PAK1: variants seen among roughly 807,000 people sequenced by gnomAD.
PAK1 encodes p21 (RAC1) activated kinase 1.
Under a neutral mutation model 67.4 loss-of-function variants are expected in PAK1, and 29 were observed. The observed-to-expected ratio is 0.43, with a 90% confidence interval of 0.32 to 0.59. The LOEUF (loss-of-function observed/expected upper bound fraction) is 0.59. Ranked by LOEUF, PAK1 falls within the 20% of genes least tolerant of loss-of-function variation. The pLI, the probability that PAK1 is intolerant of heterozygous loss-of-function variation, is 0.07. For synonymous variants in PAK1, 223 were observed against 237.4 expected, an observed-to-expected ratio of 0.94 and a Z score of 0.56; for missense variants, 337 against 670.7, an observed-to-expected ratio of 0.50 and a Z score of 5.50.
intron 1 of PAK1, among the ~76,000 whole-genome samples, chr11:77,468,798 T>A (rs554919098): frequency 6.6e-6 from 1 of 152,278 alleles, no homozygotes; most frequent in African/African-American, 2.4e-5. Flanking sequence ...AGTGGCAAAG[T>A]AAAGTACTAC....
chr11:77,495,585 A>G, the PAK1 span, among the ~76,000 whole-genome samples: 2 of 152,230 alleles, frequency 1.3e-5, no homozygotes, highest in African/African-American at 4.8e-5. Flanking sequence ...AGGTATTTGT[A>G]TACCTATGTT....
intron 10 of PAK1, among the ~76,000 whole-genome samples, chr11:77,341,567 C>G (rs1302817599): frequency 6.6e-6 from 1 of 152,148 alleles, no homozygotes; most frequent in Non-Finnish European, 1.5e-5. Flanking sequence ...GATCACTCAA[C>G]CCTATTACAC....
At chr11:77,332,342 G>C (rs1321441803) in intron 14 of PAK1, among the ~76,000 whole-genome samples, 1 of 14,280 alleles carries the variant, frequency 7.0e-5, no homozygotes, top group African/African-American at 2.8e-4. Flanking sequence ...GAGGGAAGAG[G>C]GGGGGGAAAG....
chr11:77,459,753 C>T (rs1173157508), intron 1 of PAK1, among the ~76,000 whole-genome samples: 1 of 144,126 alleles, frequency 6.9e-6, no homozygotes, highest in Non-Finnish European at 1.5e-5. Flanking sequence ...ACTGCAGTGG[C>T]GCGATCTCAG....
chr11:77,497,299 CA>C, the PAK1 span, among the ~76,000 whole-genome samples: 1 of 152,198 alleles, frequency 6.6e-6, no homozygotes, highest in Non-Finnish European at 1.5e-5. Flanking sequence ...TGACCAATGA[CA>C]ATTCACATCT....
chr11:77,512,815 C>A, the PAK1 span, among the ~76,000 whole-genome samples: 1 of 152,180 alleles, frequency 6.6e-6, no homozygotes, highest in Admixed American at 6.6e-5. Context: ...GTTCCCAGGC[C>A]AGGCGTGGTG....
At chr11:77,349,316 GA>G in intron 8 of PAK1, 29 bp from the exon 9 acceptor site, 2 of 1,562,554 alleles carry the variant, frequency 1.3e-6, no homozygotes. Flanking sequence ...GAGAAAGAGG[GA>G]AAAAAACACA....
chr11:77,447,699 A>G (rs553740814), intron 1 of PAK1, among the ~76,000 whole-genome samples: 1 of 151,876 alleles, frequency 6.6e-6, no homozygotes, highest in African/African-American at 2.4e-5. Context: ...TAATTTTTGT[A>G]TTTTTAGTAG....
At chr11:77,440,757 T>G (rs1332558885) in intron 1 of PAK1, among the ~76,000 whole-genome samples, 7 of 152,044 alleles carry the variant, frequency 4.6e-5, no homozygotes, top group Non-Finnish European at 1.0e-4. Flanking sequence ...GCAAGGGAAA[T>G]AACAATATGC....
intron 5 of PAK1, among the ~76,000 whole-genome samples, chr11:77,365,846 GAA>G (rs71473341): frequency 2.4e-4 from 33 of 138,610 alleles, no homozygotes; most frequent in African/African-American, 2.3e-4. Context: ...AAAAGAAAAA[GAA>G]AAAAAAAAAA....
At chr11:77,447,878 T>G (rs992029266) in intron 1 of PAK1, among the ~76,000 whole-genome samples, 3 of 152,212 alleles carry the variant, frequency 2.0e-5, no homozygotes, top group Admixed American at 1.3e-4. Context: ...CAGTTGCAAT[T>G]AAGGCATTAA....
chr11:77,357,134 A>G (rs1946138519), intron 6 of PAK1, among the ~76,000 whole-genome samples: 2 of 152,310 alleles, frequency 1.3e-5, no homozygotes, highest in South Asian at 4.1e-4. Flanking sequence ...TTCTACAAAG[A>G]TAGAGGATCA....
chr11:77,341,280 A>C (rs181952165), intron 10 of PAK1, among the ~76,000 whole-genome samples: 5 of 152,174 alleles, frequency 3.3e-5, no homozygotes, highest in African/African-American at 1.2e-4. Flanking sequence ...GCCAATATTT[A>C]CTAAATAAAT....
In PAK1 at chr11:77,323,749, T is replaced by C. The variant is rs535048966; in HGVS notation, c.1552-389A>G. Reference sequence around the variant, plus strand: ...ATTCATATAATACTATACAGAAAATTACACAGCAATACAATAAGTAATTGG... The same window carrying C: ...ATTCATATAATACTATACAGAAAATCACACAGCAATACAATAAGTAATTGG... On this transcript the variant is annotated intron_variant, in intron 14 of 14. Transcript: ENST00000356341. Among the ~76,000 whole-genome samples the C allele has an allele frequency of 4.6e-5, 7 of 152,136 alleles. No individual in the cohort carries two copies. The South Asian group carries it at 8.3e-4, about 18-fold the overall frequency.
chr11:77,409,552 A>G (rs1592349516), intron 1 of PAK1, among the ~76,000 whole-genome samples: 1 of 152,232 alleles, frequency 6.6e-6, no homozygotes, highest in East Asian at 1.9e-4. Context: ...TATATACACA[A>G]TATATATTTG....
chr11:77,348,792 A>C (rs1944803399), intron 9 of PAK1, among the ~76,000 whole-genome samples: 1 of 152,158 alleles, frequency 6.6e-6, no homozygotes, highest in Admixed American at 6.5e-5. Context: ...TCATAATGTT[A>C]TCCTGCTATT....
At chr11:77,341,274 A>G (rs1324938728) in intron 10 of PAK1, among the ~76,000 whole-genome samples, 1 of 152,138 alleles carries the variant, frequency 6.6e-6, no homozygotes, top group Non-Finnish European at 1.5e-5. Context: ...GCAGATGCCA[A>G]TATTTACTAA....
intron 1 of PAK1, among the ~76,000 whole-genome samples, chr11:77,472,393 C>A (rs890438605): frequency 1.3e-5 from 2 of 152,068 alleles, no homozygotes; most frequent in African/African-American, 4.8e-5. Context: ...GAAATCCCAC[C>A]GGGCCAATGG....
At chr11:77,500,036 G>A in the PAK1 span, among the ~76,000 whole-genome samples, 2 of 152,276 alleles carry the variant, frequency 1.3e-5, no homozygotes, top group South Asian at 4.1e-4. Flanking sequence ...CTGACCATAA[G>A]TGAGTGGAAG....
Sources: allele counts gnomAD v4.1 joint callset (sites outside exome capture counted in the v4.1 genomes callset), GRCh38; gene constraint gnomAD v4.1.1; transcripts MANE v1.5; gene names NCBI Gene and HGNC (gene_info 2026-07-23, HGNC 2026-07-21).